XPO7: variants seen among roughly 807,000 people sequenced by gnomAD.
The protein encoded by XPO7 is exportin-7.
Under a neutral mutation model 144.3 loss-of-function variants are expected in XPO7, and 21 were observed. That is an observed-to-expected ratio of 0.15 (90% CI 0.10 to 0.21). XPO7 has a LOEUF of 0.21. XPO7 is among the 10% of genes least tolerant of loss of function. The pLI is 1.00. For missense variants in XPO7, 808 were observed against 1,325.8 expected, an observed-to-expected ratio of 0.61 and a Z score of 6.06; for synonymous variants, 580 against 499.6, an observed-to-expected ratio of 1.16 and a Z score of -2.15.
chr8:21,999,971 G>A (rs533259155), intron 24 of XPO7, among the ~76,000 whole-genome samples: 2 of 152,306 alleles, frequency 1.3e-5, no homozygotes, highest in South Asian at 2.1e-4. Context: ...ACAACTGCCT[G>A]TTTACCATAC....
intron 1 of XPO7, among the ~76,000 whole-genome samples, chr8:21,956,600 T>G (rs1052774774): frequency 1.3e-5 from 2 of 152,024 alleles, no homozygotes; most frequent in African/African-American, 4.8e-5. Context: ...TAAACTTTGC[T>G]CTTTCCCTCT....
intron 21 of XPO7, among the ~76,000 whole-genome samples, chr8:21,998,180 G>A (rs1813015588): frequency 6.6e-6 from 1 of 152,302 alleles, no homozygotes; most frequent in African/African-American, 2.4e-5. Flanking sequence ...GGTGGCTCAC[G>A]CCTGTAATCC....
chr8:22,003,190 C>CT, intron 25 of XPO7, 29 bp from the exon 26 acceptor site: 1 of 1,568,932 alleles, frequency 6.4e-7, no homozygotes, highest in African/African-American at 1.3e-5. Context: ...CATTAGGTCA[C>CT]TGCCTGAAAT....
intron 18 of XPO7, 61 bp downstream of exon 18, chr8:21,990,980 G>A: frequency 6.7e-7 from 1 of 1,497,240 alleles, no homozygotes; most frequent in South Asian, 1.2e-5. Context: ...ATTTTTATTT[G>A]AGGACTGAAA....
At chr8:21,953,037 GC>G in intron 1 of XPO7, among the ~76,000 whole-genome samples, 1 of 71,944 alleles carries the variant, frequency 1.4e-5, no homozygotes, top group East Asian at 3.4e-4. Flanking sequence ...CCCCACCCCT[GC>G]CCCCGCCCAT....
chr8:21,927,558 T>TTTTC (rs1563308369), intron 1 of XPO7, among the ~76,000 whole-genome samples: 2 of 139,094 alleles, frequency 1.4e-5, no homozygotes, highest in East Asian at 2.2e-4. Context: ...TTTTTTTTTT[T>TTTTC]TCTTAAGATG....
chr8:21,983,105 C>G (rs1585466926), intron 11 of XPO7, among the ~76,000 whole-genome samples: 1 of 152,128 alleles, frequency 6.6e-6, no homozygotes, highest in African/African-American at 2.4e-5. Context: ...GTTTTTCTTT[C>G]AATGTGAGAA....
intron 1 of XPO7, among the ~76,000 whole-genome samples, chr8:21,931,944 C>T (rs549536347): frequency 1.4e-4 from 21 of 152,310 alleles, no homozygotes; most frequent in Middle Eastern, 3.4e-3. Flanking sequence ...GCGGTCTTGG[C>T]TCATTGCAAC....
At chr8:21,959,506 C>T (rs1309818004) in intron 1 of XPO7, among the ~76,000 whole-genome samples, 2 of 152,160 alleles carry the variant, frequency 1.3e-5, no homozygotes, top group African/African-American at 4.8e-5. Flanking sequence ...ACCCATTACT[C>T]TGTACTGAAT....
At position 21,977,764 on chromosome 8, in the gene XPO7, C is replaced by T. The variant is rs1812274829; in HGVS notation, c.764-6C>T. On this transcript the variant is annotated splice_polypyrimidine_tract_variant and splice_region_variant and intron_variant, in intron 7 of 27. Coordinates refer to ENST00000252512, the MANE Select transcript of XPO7 (RefSeq NM_015024.5). ...AAGTGATGTCTTTTGTCTTTTTCTT[C>T]CCCAGCCTTCTTAGATTCTTCAACC... The T allele has an allele frequency of 6.2e-7, 1 of 1,613,568 alleles. No homozygotes were observed. Among genetic ancestry groups the T allele is most frequent in the Non-Finnish European group, 8.5e-7 (1 of 1,179,738 alleles).
In XPO7 at chr8:21,921,884, A is replaced by G. The variant is rs746763593; in HGVS notation, c.18+2096A>G. Among the ~76,000 whole-genome samples, 50 of 152,270 alleles carry G rather than the reference A, an allele frequency of 3.3e-4. No individual in the cohort carries two copies. The Middle Eastern group carries it at 0.01, about 31-fold the overall frequency. ...ACATACTGCTTTTCTTTGTCAGACC[A>G]CTAAGTGTTAATAGTATTGGGCACT... On this transcript the variant is annotated intron_variant, in intron 1 of 27. Transcript: ENST00000252512.
Position 22,006,190 on chromosome 8 carries a change from C to A in XPO7, c.*1102C>A, listed in dbSNP as rs1016512058. The A allele has an allele frequency of 6.6e-6, 1 of 152,100 alleles. No homozygotes were observed. The highest frequency in any genetic ancestry group is 2.4e-5 in the African/African-American group (1 of 41,394). 9.4% of individuals were successfully genotyped at this position (152,100 alleles called of 1,614,324 possible). ...GTTCTTAATAACAAGGTCTACCTAG[C>A]ATGAAGTATTTAACATTCTCCCATC... On this transcript the variant is annotated 3_prime_UTR_variant, in exon 28 of 28. Coordinates refer to ENST00000252512, the MANE Select transcript of XPO7 (RefSeq NM_015024.5).
chr8:22,001,230 C>G (rs1446046239), intron 24 of XPO7, among the ~76,000 whole-genome samples: 1 of 151,348 alleles, frequency 6.6e-6, no homozygotes, highest in East Asian at 1.9e-4. Context: ...CACTTGAACC[C>G]GGGAAGTAGA....
intron 18 of XPO7, among the ~76,000 whole-genome samples, chr8:21,991,573 C>T (rs1335207446): frequency 6.6e-6 from 1 of 152,226 alleles, no homozygotes; most frequent in African/African-American, 2.4e-5. Context: ...CGCTAATTCT[C>T]AGCAAGGATA....
chr8:21,963,377 G>A (rs779273658), intron 1 of XPO7, among the ~76,000 whole-genome samples: 1 of 152,128 alleles, frequency 6.6e-6, no homozygotes, highest in Admixed American at 6.6e-5. Flanking sequence ...CTCTCCATGC[G>A]GATTTTTTAA....
At chr8:21,972,406 G>C (rs1262177388) in intron 5 of XPO7, among the ~76,000 whole-genome samples, 1 of 152,136 alleles carries the variant, frequency 6.6e-6, no homozygotes, top group Non-Finnish European at 1.5e-5. Context: ...GAACCCGGGA[G>C]GTGGAGGTTG....
chr8:22,002,086 C>G, intron 24 of XPO7, 26 bp from the exon 25 acceptor site: 3 of 1,590,796 alleles, frequency 1.9e-6, no homozygotes, highest in Middle Eastern at 1.7e-4. Flanking sequence ...GCAGCTCTGT[C>G]CTACCCCTGC....
intron 1 of XPO7, among the ~76,000 whole-genome samples, chr8:21,927,681 G>A (rs1391461517): frequency 6.6e-6 from 1 of 152,048 alleles, no homozygotes; most frequent in Non-Finnish European, 1.5e-5. Flanking sequence ...AAGTAGCTGG[G>A]ATTACAGGCA....
chr8:21,974,184 GATTTTTTT>G (rs1221798592), intron 5 of XPO7, among the ~76,000 whole-genome samples: 3 of 151,630 alleles, frequency 2.0e-5, no homozygotes, highest in Non-Finnish European at 2.9e-5. Flanking sequence ...CCACCACACC[GATTTTTTT>G]ATTTTTTTAT....
Sources: allele counts gnomAD v4.1 joint callset (sites outside exome capture counted in the v4.1 genomes callset), GRCh38; gene constraint gnomAD v4.1.1; transcripts MANE v1.5; gene names NCBI Gene and HGNC (gene_info 2026-07-23, HGNC 2026-07-21).